Variants in GRID1 observed in about 807,000 individuals in gnomAD.
GRID1 encodes glutamate receptor ionotropic, delta-1.
A neutral mutation model predicts 98.0 loss-of-function variants in GRID1; 28 were observed. The observed-to-expected ratio is 0.29, with a 90% CI of 0.21 to 0.39. The LOEUF is 0.39. GRID1 is among the 10% of genes least tolerant of loss of function. The pLI, the probability that GRID1 is intolerant of heterozygous loss-of-function variation, is 1.00. For synonymous variants in GRID1, 553 were observed against 538.5 expected (o/e 1.03, Z -0.37); for missense variants, 1,111 against 1,340.5 (o/e 0.83, Z 2.67).
At chr10:86,145,542 C>CTACATACACACACACA (rs1554855882) in intron 3 of GRID1, among the ~76,000 whole-genome samples, 4 of 148,334 alleles carry the variant, frequency 2.7e-5, no homozygotes, top group African/African-American at 7.7e-5. Flanking sequence ...TGGACATCCT[C>CTACATACACACACACA]CACATACACA....
intron 8 of GRID1, among the ~76,000 whole-genome samples, chr10:85,806,968 T>C (rs889583164): frequency 2.0e-5 from 3 of 152,170 alleles, no homozygotes; most frequent in African/African-American, 4.8e-5. Flanking sequence ...CTTTACAAAA[T>C]GTAAGAATAT....
rs117696641 is a variant in GRID1, at chr10:85,840,972, G to C, written c.1233+13524C>G. On this transcript the variant is annotated intron_variant, in intron 8 of 15. Transcript: ENST00000327946. ...TAACCTACTATTGAGATTCTTCACA[G>C]AACTAGAAGAAAACATTTTAAAATT... Among the ~76,000 whole-genome samples, 7 of 152,264 alleles carry C rather than the reference G, an allele frequency of 4.6e-5. No homozygotes were observed. In the East Asian group the frequency reaches 1.4e-3, roughly 29 times the overall value.
At chr10:86,093,393 A>C (rs1480130866) in intron 4 of GRID1, among the ~76,000 whole-genome samples, 4 of 152,038 alleles carry the variant, frequency 2.6e-5, no homozygotes, top group African/African-American at 9.7e-5. Context: ...AAACTGAAAA[A>C]AAAAAAAGAC....
intron 2 of GRID1, among the ~76,000 whole-genome samples, chr10:86,345,180 TTCA>T (rs1181404051): frequency 2.0e-5 from 3 of 152,216 alleles, no homozygotes; most frequent in African/African-American, 7.2e-5. Flanking sequence ...CATCTTCATC[TTCA>T]TGTCTGCATG....
In GRID1 at chr10:85,664,735, A is replaced by T. The variant is rs72841457; in HGVS notation, c.1998-17338T>A. On this transcript the variant is annotated intron_variant, in intron 12 of 15. Coordinates refer to ENST00000327946, the MANE Select transcript of GRID1 (RefSeq NM_017551.3). ...GGAGGGCGCAATAGGTCCCCTCTCTACTTGAAGTCTTTCCTTTCAACTTTT... is the reference window on the plus strand; with the variant it reads ...GGAGGGCGCAATAGGTCCCCTCTCTTCTTGAAGTCTTTCCTTTCAACTTTT... Among the ~76,000 whole-genome samples the T allele has an allele frequency of 6.5e-3, 994 of 152,294 alleles. 43 individuals are homozygous for T. In the East Asian group the frequency reaches 0.1, roughly 15 times the overall value.
At position 85,666,962 on chromosome 10, in the gene GRID1, G is replaced by A. The variant is rs150155745; in HGVS notation, c.1998-19565C>T. 2.5e-3 allele frequency among the ~76,000 whole-genome samples: 381 copies of A among 152,112 alleles called. 2 individuals are homozygous for A. Among genetic ancestry groups the A allele is most frequent in the Middle Eastern group, 0.014 (4 of 294 alleles). On this transcript the variant is annotated intron_variant, in intron 12 of 15. Transcript: ENST00000327946. ...ACCGAGTTGAGCCCCACAATATTTC[G>A]CAGATCTCCCTACTCCTCCAACATC...
At chr10:85,877,991 G>A (rs549786520) in intron 5 of GRID1, among the ~76,000 whole-genome samples, 18 of 152,290 alleles carry the variant, frequency 1.2e-4, no homozygotes, top group South Asian at 8.3e-4. Context: ...CTCAGGAGCC[G>A]ATGCAATCGA....
At chr10:85,983,235 G>C (rs545430560) in intron 4 of GRID1, among the ~76,000 whole-genome samples, 107 of 152,360 alleles carry the variant, frequency 7.0e-4, no homozygotes, top group Middle Eastern at 3.4e-3. Flanking sequence ...TGGAGTCTCT[G>C]TCACACGTGC....
intron 5 of GRID1, among the ~76,000 whole-genome samples, chr10:85,879,259 C>T (rs1171378842): frequency 1.3e-5 from 2 of 152,118 alleles, no homozygotes; most frequent in Non-Finnish European, 2.9e-5. Context: ...CTCAGCTCTG[C>T]ACCAAGTGGA....
chr10:86,062,733 C>T (rs191616953), intron 4 of GRID1, among the ~76,000 whole-genome samples: 2 of 152,340 alleles, frequency 1.3e-5, no homozygotes, highest in East Asian at 1.9e-4. Flanking sequence ...CCTTCCAGAC[C>T]GTAAGCTCCT....
chr10:86,017,264 T>G (rs1389024965), intron 4 of GRID1, among the ~76,000 whole-genome samples: 1 of 152,240 alleles, frequency 6.6e-6, no homozygotes, highest in African/African-American at 2.4e-5. Context: ...TGGGTAAGTA[T>G]CAAGAGACAT....
At chr10:86,089,255 C>T (rs1324880528) in intron 4 of GRID1, among the ~76,000 whole-genome samples, 1 of 152,202 alleles carries the variant, frequency 6.6e-6, no homozygotes, top group Non-Finnish European at 1.5e-5. Flanking sequence ...ATCCCTACTT[C>T]TCCCAGCCAG....
At chr10:86,321,130 A>T (rs552021340) in intron 2 of GRID1, among the ~76,000 whole-genome samples, 3 of 151,572 alleles carry the variant, frequency 2.0e-5, no homozygotes, top group Non-Finnish European at 4.4e-5. Flanking sequence ...GCAAAAAAAA[A>T]ATGTTGGGAA....
chr10:86,231,083 T>C (rs1405861658), intron 2 of GRID1, among the ~76,000 whole-genome samples: 1 of 152,180 alleles, frequency 6.6e-6, no homozygotes, highest in Admixed American at 6.5e-5. Context: ...ACATCTGTGG[T>C]GGTGGCCAGG....
chr10:86,176,366 G>A (rs1283601267), intron 3 of GRID1, among the ~76,000 whole-genome samples: 1 of 152,204 alleles, frequency 6.6e-6, no homozygotes, highest in Non-Finnish European at 1.5e-5. Flanking sequence ...AAAAGAATGG[G>A]GAACTTGGCC....
intron 3 of GRID1, among the ~76,000 whole-genome samples, chr10:86,178,803 C>A (rs1332801120): frequency 6.6e-6 from 1 of 152,120 alleles, no homozygotes; most frequent in African/African-American, 2.4e-5. Context: ...CGGAGTGAGA[C>A]CATTTAGCCC....
chr10:86,114,579 C>A (rs927979824), intron 4 of GRID1, among the ~76,000 whole-genome samples: 1 of 152,120 alleles, frequency 6.6e-6, no homozygotes, highest in African/African-American at 2.4e-5. Context: ...GACAGCTTGA[C>A]CCCCGAAGGT....
chr10:85,741,470 A>C (rs1473104055), intron 8 of GRID1, among the ~76,000 whole-genome samples: 1 of 152,036 alleles, frequency 6.6e-6, no homozygotes, highest in Non-Finnish European at 1.5e-5. Flanking sequence ...TCCCACATCT[A>C]CTGAATTAGT....
chr10:86,246,922 T>C (rs1348636964), intron 2 of GRID1, among the ~76,000 whole-genome samples: 1 of 152,256 alleles, frequency 6.6e-6, no homozygotes, highest in Non-Finnish European at 1.5e-5. Context: ...CCAAGCTCTG[T>C]GGCATCCTTG....
Sources: allele counts gnomAD v4.1 joint callset (sites outside exome capture counted in the v4.1 genomes callset), GRCh38; gene constraint gnomAD v4.1.1; transcripts MANE v1.5; gene names NCBI Gene and HGNC (gene_info 2026-07-23, HGNC 2026-07-21).